NKAIN2: variants seen among roughly 807,000 people sequenced by gnomAD.
The protein encoded by NKAIN2 is sodium/potassium-transporting ATPase subunit beta-1-interacting protein 2.
A neutral mutation model predicts 32.6 loss-of-function variants in NKAIN2; 14 were observed. The ratio of observed to expected loss-of-function variants is 0.43; its 90% CI spans 0.28 to 0.67. NKAIN2 has a LOEUF of 0.67. NKAIN2 is among the 30% of genes least tolerant of loss of function. The pLI, the probability that NKAIN2 is intolerant of heterozygous loss-of-function variation, is 0.17. For synonymous variants in NKAIN2, 80 were observed against 87.2 expected, an observed-to-expected ratio of 0.92 and a Z score of 0.46; for missense variants, 198 against 258.3, an observed-to-expected ratio of 0.77 and a Z score of 1.60.
chr6:124,054,766 G>A lies in NKAIN2; in HGVS notation c.55-228239G>A, dbSNP rs750472506. Among the ~76,000 whole-genome samples, 15 of 151,922 alleles carry A rather than the reference G, an allele frequency of 9.9e-5. No homozygotes were observed. The South Asian group carries it at 1.2e-3, about 13-fold the overall frequency. On this transcript the variant is annotated intron_variant, in intron 1 of 6. Transcript: ENST00000368417. ...CCCTAGGCATTCCTTTCAGGTTGCC[G>A]GAGACAGGATGGAAGATGTGGGGAA...
chr6:124,280,700 T>G (rs1183192680), intron 1 of NKAIN2, among the ~76,000 whole-genome samples: 1 of 152,142 alleles, frequency 6.6e-6, no homozygotes, highest in Non-Finnish European at 1.5e-5. Flanking sequence ...AGGCCCCTCA[T>G]AGTTAATAGT....
intron 1 of NKAIN2, among the ~76,000 whole-genome samples, chr6:124,129,624 CT>C (rs962550898): frequency 1.0e-3 from 152 of 149,194 alleles, no homozygotes; most frequent in Middle Eastern, 6.8e-3. Flanking sequence ...GAACAGCAAT[CT>C]TTTTTTTTTG....
chr6:124,071,190 C>T (rs763853866), intron 1 of NKAIN2, among the ~76,000 whole-genome samples: 8 of 152,016 alleles, frequency 5.3e-5, no homozygotes, highest in Non-Finnish European at 1.2e-4. Flanking sequence ...TTGAGAAAGT[C>T]AACAAAAATA....
intron 4 of NKAIN2, 55 bp downstream of exon 4, chr6:124,658,441 T>C (rs1338333439): frequency 6.2e-7 from 1 of 1,613,532 alleles, no homozygotes; most frequent in Non-Finnish European, 8.5e-7. Context: ...GTTTTATTTC[T>C]GTGCGAACTC....
chr6:124,560,717 C>G (rs1243354859), intron 3 of NKAIN2, among the ~76,000 whole-genome samples: 1 of 152,146 alleles, frequency 6.6e-6, no homozygotes, highest in Non-Finnish European at 1.5e-5. Flanking sequence ...TCCTAAGATT[C>G]TATGTGAAAA....
chr6:124,496,801 G>A (rs1229927707), intron 3 of NKAIN2, among the ~76,000 whole-genome samples: 2 of 152,062 alleles, frequency 1.3e-5, no homozygotes, highest in African/African-American at 4.8e-5. Flanking sequence ...GTTGAAATAT[G>A]GAAAGATTAT....
chr6:124,090,756 T>C (rs755200394), intron 1 of NKAIN2, among the ~76,000 whole-genome samples: 10 of 152,174 alleles, frequency 6.6e-5, no homozygotes, highest in Middle Eastern at 3.4e-3. Context: ...AGGACACTCA[T>C]AAAGTGCTGA....
chr6:124,492,342 A>G (rs932342387), intron 3 of NKAIN2, among the ~76,000 whole-genome samples: 2 of 152,066 alleles, frequency 1.3e-5, no homozygotes, highest in African/African-American at 4.8e-5. Context: ...AGTTTTTTCT[A>G]GAAAACATCT....
intron 3 of NKAIN2, among the ~76,000 whole-genome samples, chr6:124,437,359 C>T (rs184079266): frequency 2.0e-5 from 3 of 152,290 alleles, no homozygotes; most frequent in African/African-American, 2.4e-5. Flanking sequence ...TAGTTAAGAA[C>T]ATTTGTCAGT....
chr6:123,920,309 T>G (rs1775691975), intron 1 of NKAIN2, among the ~76,000 whole-genome samples: 1 of 152,160 alleles, frequency 6.6e-6, no homozygotes, highest in Non-Finnish European at 1.5e-5. Context: ...ATTGGTACTT[T>G]ATAGCACTGA....
chr6:124,476,442 TGA>T (rs1484681592), intron 3 of NKAIN2, among the ~76,000 whole-genome samples: 1 of 136,640 alleles, frequency 7.3e-6, no homozygotes, highest in South Asian at 2.4e-4. Flanking sequence ...TGTGTGTGTG[TGA>T]ACATAAGAAA....
rs562121942 is a variant in NKAIN2 at position 124,186,153 on chromosome 6, AAGGG to A, written c.55-96834_55-96831del. Among the ~76,000 whole-genome samples, 83 of 127,068 alleles carry A rather than the reference AAGGG, an allele frequency of 6.5e-4. 2 individuals carry two copies. The South Asian group carries it at 6.9e-3, about 11-fold the overall frequency. 83.4% of individuals were successfully genotyped at this position (127,068 alleles called of 152,430 possible). On this transcript the variant is annotated intron_variant, in intron 1 of 6. Transcript: ENST00000368417. ...AAAAAAGAAAAGAAAGGAAGGAAGG[AAGGG>A]AGGGAGGGAGGGAGGGAAAGAAAGA...
chr6:123,940,085 C>T (rs1478621516), intron 1 of NKAIN2, among the ~76,000 whole-genome samples: 2 of 151,758 alleles, frequency 1.3e-5, no homozygotes, highest in Non-Finnish European at 2.9e-5. Flanking sequence ...GTGAGAGAAG[C>T]ATACATTAAA....
intron 3 of NKAIN2, among the ~76,000 whole-genome samples, chr6:124,511,213 A>G (rs757545425): frequency 1.4e-4 from 21 of 152,202 alleles, no homozygotes; most frequent in Non-Finnish European, 1.9e-4. Context: ...TATCTATTAC[A>G]TATCTTGAGC....
chr6:124,321,391 C>CA (rs1280594224), intron 2 of NKAIN2, among the ~76,000 whole-genome samples: 1 of 152,086 alleles, frequency 6.6e-6, no homozygotes, highest in Non-Finnish European at 1.5e-5. Context: ...ATGGGTGCAG[C>CA]AAACCACCAT....
intron 3 of NKAIN2, among the ~76,000 whole-genome samples, chr6:124,585,795 G>A (rs1294270173): frequency 6.6e-6 from 1 of 151,984 alleles, no homozygotes; most frequent in Non-Finnish European, 1.5e-5. Flanking sequence ...TTTACATACA[G>A]CAAAATTTAC....
At chr6:124,615,208 T>A (rs1402981191) in intron 3 of NKAIN2, among the ~76,000 whole-genome samples, 1 of 152,168 alleles carries the variant, frequency 6.6e-6, no homozygotes, top group African/African-American at 2.4e-5. Flanking sequence ...TCCCCCTTTA[T>A]AAAATAGATA....
intron 2 of NKAIN2, among the ~76,000 whole-genome samples, chr6:124,331,379 A>AAAAAAAAAAAAAAAAAG: frequency 7.9e-6 from 1 of 126,810 alleles, no homozygotes; most frequent in South Asian, 2.8e-4. Context: ...AAAAAAAAAA[A>AAAAAAAAAAAAAAAAAG]CTAGCTGGGC....
At chr6:123,958,334 C>A (rs778028625) in intron 1 of NKAIN2, among the ~76,000 whole-genome samples, 9 of 152,190 alleles carry the variant, frequency 5.9e-5, no homozygotes, top group Non-Finnish European at 1.0e-4. Context: ...TAGCCTTATC[C>A]CCATGAAGGC....
Sources: allele counts gnomAD v4.1 joint callset (sites outside exome capture counted in the v4.1 genomes callset), GRCh38; gene constraint gnomAD v4.1.1; transcripts MANE v1.5; gene names NCBI Gene and HGNC (gene_info 2026-07-23, HGNC 2026-07-21).